The following GPR161 variants were observed in gnomAD, a reference collection of about 807,000 sequenced individuals.
GPR161 encodes the protein G-protein coupled receptor RE2.
GPR161 carries 25 observed loss-of-function variants against 39.2 expected under a neutral mutation model. The ratio of observed to expected loss-of-function variants is 0.64; its 90% CI spans 0.47 to 0.89. The LOEUF (loss-of-function observed/expected upper bound fraction) is 0.89, where lower values mean the gene tolerates loss of function less well. Among genes scored for constraint, GPR161 ranks in the 40% least tolerant of loss-of-function variants. GPR161 has a pLI of 0.00. For synonymous variants in GPR161, 286 were observed against 276.6 expected, an observed-to-expected ratio of 1.03 and a Z score of -0.34; for missense variants, 547 against 677.8, an observed-to-expected ratio of 0.81 and a Z score of 2.14.
At chr1:168,117,020 T>G (rs1021265174) in intron 1 of GPR161, among the ~76,000 whole-genome samples, 1 of 152,174 alleles carries the variant, frequency 6.6e-6, no homozygotes, top group African/African-American at 2.4e-5. Flanking sequence ...ATGATCAACT[T>G]GAGCACCTCA....
chr1:168,116,581 G>T (rs910581825), intron 1 of GPR161, among the ~76,000 whole-genome samples: 1 of 152,186 alleles, frequency 6.6e-6, no homozygotes, highest in African/African-American at 2.4e-5. Flanking sequence ...CACACAGCTC[G>T]TTGAGAGGCA....
chr1:168,087,833 TG>T (rs1694691459), intron 4 of GPR161, 129 bp from the exon 5 acceptor site: 1 of 923,088 alleles, frequency 1.1e-6, no homozygotes, highest in Non-Finnish European at 1.6e-6. Context: ...TGGAGCTGAC[TG>T]CGCCGCAGCA....
rs1222633488 is a variant in GPR161 at position 168,084,801 on chromosome 1, T to C, written c.*730A>G. On this transcript the variant is annotated 3_prime_UTR_variant, in exon 6 of 6. Coordinates refer to ENST00000682931, the MANE Select transcript of GPR161 (RefSeq NM_001375883.1). ...TTAATTCTGGAAATGAAACACCTAG[T>C]ACCTGCCCTTCCTCTTGTCTTTTAT... The C allele has an allele frequency of 2.2e-6, 1 of 456,214 alleles. No homozygotes were observed. The highest frequency in any genetic ancestry group is 2.3e-5 in the Admixed American group (1 of 42,576). The allele number at this position is 456,214 out of a possible 1,614,324, so 28.3% of individuals were successfully genotyped here. A position where few individuals can be genotyped will look rare whatever the true frequency, so the allele number is the denominator to read the frequency against.
chr1:168,125,112 A>G (rs1698487700), intron 1 of GPR161, among the ~76,000 whole-genome samples: 1 of 152,156 alleles, frequency 6.6e-6, no homozygotes, highest in African/African-American at 2.4e-5. Flanking sequence ...ATTTCTTTCA[A>G]CTTTCAGCTG....
At chr1:168,111,398 G>A (rs1697154213) in intron 1 of GPR161, among the ~76,000 whole-genome samples, 1 of 152,212 alleles carries the variant, frequency 6.6e-6, no homozygotes, top group African/African-American at 2.4e-5. Flanking sequence ...GCCACCTGTA[G>A]TTAGGCAGGA....
intron 4 of GPR161, chr1:168,088,629 A>C (rs1281380188): frequency 2.0e-5 from 3 of 152,228 alleles, no homozygotes; most frequent in Non-Finnish European, 4.4e-5. Flanking sequence ...GTCATCATTC[A>C]GTCTACCTCA....
intron 1 of GPR161, among the ~76,000 whole-genome samples, chr1:168,114,842 G>A (rs992303177): frequency 1.3e-5 from 2 of 152,080 alleles, no homozygotes; most frequent in African/African-American, 4.8e-5. Context: ...ATTTATTTCT[G>A]GCCTACCCTT....
intron 1 of GPR161, chr1:168,133,869 T>C (rs1699173045): frequency 4.3e-6 from 4 of 919,946 alleles, no homozygotes; most frequent in Non-Finnish European, 5.2e-6. Flanking sequence ...ATAAACTATA[T>C]ATTCACCTAT....
Position 168,096,519 on chromosome 1 carries a change from T to C in GPR161, c.1088A>G (p.Asn363Ser), listed in dbSNP as rs772213259. The change falls in exon 3 of 6, where the codon AAC (asparagine) becomes AGC (serine). Residue 363 changes from asparagine to serine, a missense_variant. Transcript: ENST00000682931. ...QRTSRLFSIS[N>S]RITDLGLSPH... ...AATGCCCAAGTTACCTGTGATCCTGTTGGAAATGCTGAAGAGCCTGGAAGT... is the reference window on the plus strand; with the variant it reads ...AATGCCCAAGTTACCTGTGATCCTGCTGGAAATGCTGAAGAGCCTGGAAGT... The C allele has an allele frequency of 1.9e-6, 3 of 1,613,364 alleles. No individual in the cohort carries two copies. In the South Asian group the frequency reaches 3.3e-5, roughly 18 times the overall value.
At chr1:168,133,173 T>C (rs1265934470) in intron 1 of GPR161, among the ~76,000 whole-genome samples, 1 of 152,232 alleles carries the variant, frequency 6.6e-6, no homozygotes, top group Non-Finnish European at 1.5e-5. Flanking sequence ...AGGGAGATGT[T>C]GCCTTTTATA....
chr1:168,092,675 T>G (rs142923453), intron 3 of GPR161, among the ~76,000 whole-genome samples: 19 of 152,170 alleles, frequency 1.2e-4, no homozygotes, highest in African/African-American at 4.6e-4. Context: ...TGAGATAAAT[T>G]TGCAGGTACT....
At chr1:168,092,876 C>A (rs562476211) in intron 3 of GPR161, among the ~76,000 whole-genome samples, 96 of 152,164 alleles carry the variant, frequency 6.3e-4, no homozygotes, top group Non-Finnish European at 1.2e-3. Flanking sequence ...ACGGGAAAGG[C>A]TCTATGCCCA....
chr1:168,103,823 C>T (rs1414915770), intron 2 of GPR161, among the ~76,000 whole-genome samples: 1 of 152,234 alleles, frequency 6.6e-6, no homozygotes, highest in Non-Finnish European at 1.5e-5. Context: ...GGGAAACTCG[C>T]TGCCAAAGCC....
chr1:168,084,622 C>T lies in GPR161; in HGVS notation c.*909G>A. ...TGAGGCCAGCTATTTTCATTGGTCA[C>T]TCAAACATCACACATAGAATCTATT... On this transcript the variant is annotated 3_prime_UTR_variant, in exon 6 of 6. Transcript: ENST00000682931. 1 of 309,930 alleles carries T rather than the reference C, an allele frequency of 3.2e-6. No homozygotes were observed. 19.2% of individuals were successfully genotyped at this position (309,930 alleles called of 1,614,324 possible). A position where few individuals can be genotyped will look rare whatever the true frequency, so the allele number is the denominator to read the frequency against.
intron 4 of GPR161, 143 bp from the exon 5 acceptor site, chr1:168,087,847 T>C: frequency 1.3e-6 from 1 of 779,452 alleles, no homozygotes; most frequent in Non-Finnish European, 2.0e-6. Context: ...CCGCAGCACG[T>C]GCCCAAGAAA....
At chr1:168,137,097 T>C (rs1572409448), upstream of GPR161, 1 of 855,386 alleles carries the variant, frequency 1.2e-6, no homozygotes, top group Non-Finnish European at 1.4e-6. Flanking sequence ...CCGCCCGCCC[T>C]CCCGGCTGCT....
At chr1:168,107,614 C>A (rs1005242504) in intron 1 of GPR161, among the ~76,000 whole-genome samples, 3 of 152,164 alleles carry the variant, frequency 2.0e-5, no homozygotes, top group Non-Finnish European at 2.9e-5. Context: ...AAATAAATTC[C>A]TTTTCTTTAC....
chr1:168,137,485 G>A (rs913923093), upstream of GPR161: 10 of 1,210,948 alleles, frequency 8.3e-6, no homozygotes, highest in East Asian at 2.5e-5. Flanking sequence ...TCGTCCCGAA[G>A]CCAGCCCCGG....
At chr1:168,119,238 A>ACATATATATG (rs1558129774) in intron 1 of GPR161, among the ~76,000 whole-genome samples, 1 of 124,172 alleles carries the variant, frequency 8.1e-6, no homozygotes, top group African/African-American at 3.4e-5. Flanking sequence ...GTATATATAT[A>ACATATATATG]TATACACATA....
Sources: allele counts gnomAD v4.1 joint callset (sites outside exome capture counted in the v4.1 genomes callset), GRCh38; gene constraint gnomAD v4.1.1; transcripts MANE v1.5; gene names NCBI Gene and HGNC (gene_info 2026-07-23, HGNC 2026-07-21).